Variants in SVIL observed in about 807,000 individuals in gnomAD.
SVIL encodes the protein archvillin.
Under a neutral mutation model 240.4 loss-of-function variants are expected in SVIL, and 101 were observed. The ratio of observed to expected loss-of-function variants is 0.42; its 90% CI spans 0.36 to 0.50. SVIL has a LOEUF of 0.50. Among genes scored for constraint, SVIL ranks in the 20% least tolerant of loss-of-function variants. The pLI is 0.01. For synonymous variants in SVIL, 999 were observed against 1,100.0 expected (o/e 0.91, Z 1.82); for missense variants, 2,512 against 2,818.7 (o/e 0.89, Z 2.46).
intron 1 of SVIL, among the ~76,000 whole-genome samples, chr10:29,694,217 G>GACACT (rs1318668842): frequency 7.4e-6 from 1 of 134,428 alleles, no homozygotes; most frequent in Non-Finnish European, 1.5e-5. Context: ...AACAGAGCAA[G>GACACT]ACACTGTGTC....
intron 1 of SVIL, among the ~76,000 whole-genome samples, chr10:29,628,019 T>G (rs1382206241): frequency 6.6e-6 from 1 of 152,206 alleles, no homozygotes; most frequent in Non-Finnish European, 1.5e-5. Flanking sequence ...ATTAGCTGGT[T>G]TAGATGTCTG....
chr10:29,650,937 G>C (rs558575977), intron 3 of SVIL, among the ~76,000 whole-genome samples: 3 of 152,256 alleles, frequency 2.0e-5, no homozygotes, highest in East Asian at 3.9e-4. Flanking sequence ...CAAAACAAGA[G>C]CATGGAATGT....
chr10:29,464,756 A>ATCAG (rs1022207020), intron 34 of SVIL, among the ~76,000 whole-genome samples: 4 of 151,726 alleles, frequency 2.6e-5, no homozygotes, highest in Admixed American at 1.3e-4. Context: ...TGCTGCCCTG[A>ATCAG]GATCCCGGTG....
chr10:29,510,255 G>A (rs1406771271), intron 17 of SVIL, among the ~76,000 whole-genome samples: 1 of 152,122 alleles, frequency 6.6e-6, no homozygotes, highest in African/African-American at 2.4e-5. Flanking sequence ...CCTCAAATAT[G>A]TTTTCTTTTG....
At chr10:29,492,353 G>A (rs1948042331) in intron 21 of SVIL, among the ~76,000 whole-genome samples, 2 of 152,100 alleles carry the variant, frequency 1.3e-5, no homozygotes, top group Non-Finnish European at 2.9e-5. Context: ...TGTGACTCCA[G>A]AGCTGGGGTG....
At chr10:29,506,749 G>C (rs544494540) in intron 17 of SVIL, among the ~76,000 whole-genome samples, 10 of 144,814 alleles carry the variant, frequency 6.9e-5, no homozygotes, top group Non-Finnish European at 1.4e-4. Flanking sequence ...AGAGGCCCTA[G>C]AGGGAGGGGA....
At chr10:29,612,676 T>C (rs550870332) in intron 1 of SVIL, among the ~76,000 whole-genome samples, 2 of 152,278 alleles carry the variant, frequency 1.3e-5, no homozygotes, top group East Asian at 3.9e-4. Context: ...TTCTAAGAGA[T>C]TTATGTTATG....
rs1435390759 is a variant in SVIL, at chr10:29,688,667, T to G, written c.-399-2016A>C. Among the ~76,000 whole-genome samples, 10 of 152,144 alleles carry G rather than the reference T, an allele frequency of 6.6e-5. No homozygotes were observed. In the East Asian group the frequency reaches 1.5e-3, roughly 23 times the overall value. On this transcript the variant is annotated intron_variant, in intron 1 of 35. Transcript: ENST00000375400. ...GTGAGGAGCTCTTTTTAAAAAATTA[T>G]CTATCTACAAAAATGTCTAGGGTAA...
chr10:29,581,492 G>A (rs968914836), intron 1 of SVIL, among the ~76,000 whole-genome samples: 19 of 152,224 alleles, frequency 1.2e-4, no homozygotes, highest in African/African-American at 4.6e-4. Flanking sequence ...CATAGGTGGA[G>A]ATGAAAAGGC....
intron 6 of SVIL, among the ~76,000 whole-genome samples, chr10:29,542,999 GATA>G (rs1194383128): frequency 1.3e-5 from 2 of 152,186 alleles, no homozygotes; most frequent in African/African-American, 2.4e-5. Context: ...CTCACGATAT[GATA>G]ATGAGAGCAG....
chr10:29,555,215 C>T (rs531691237), intron 3 of SVIL, 107 bp from the exon 4 acceptor site: 1 of 1,132,880 alleles, frequency 8.8e-7, no homozygotes, highest in East Asian at 2.6e-5. Flanking sequence ...GTTCTTGATT[C>T]CTATGTCACA....
chr10:29,492,071 G>A (rs1028258181), intron 21 of SVIL, among the ~76,000 whole-genome samples: 1 of 152,126 alleles, frequency 6.6e-6, no homozygotes, highest in African/African-American at 2.4e-5. Flanking sequence ...TGCCGTGGGT[G>A]GAGCCTGTCT....
intron 7 of SVIL, 99 bp from the exon 8 acceptor site, chr10:29,533,557 C>G (rs1466585486): frequency 6.8e-7 from 1 of 1,461,528 alleles, no homozygotes; most frequent in South Asian, 1.4e-5. Flanking sequence ...TGGAAACTGA[C>G]CTGAGAGAGA....
chr10:29,578,109 C>A (rs1017304329), intron 1 of SVIL, among the ~76,000 whole-genome samples: 5 of 152,110 alleles, frequency 3.3e-5, no homozygotes, highest in Non-Finnish European at 7.4e-5. Context: ...GGTTGAAACT[C>A]CATTACTGAT....
At chr10:29,552,838 T>G (rs1181256300) in intron 5 of SVIL, among the ~76,000 whole-genome samples, 4 of 152,194 alleles carry the variant, frequency 2.6e-5, no homozygotes, top group African/African-American at 9.7e-5. Context: ...TTTTTCATTA[T>G]GATTTTATTA....
rs1056404809 is a variant in SVIL at position 29,458,030 on chromosome 10, A to AC, written c.*216dup. The AC allele has an allele frequency of 2.0e-6, 1 of 497,398 alleles. No homozygotes were observed. The highest frequency in any genetic ancestry group is 3.5e-6 in the Non-Finnish European group (1 of 284,290). The allele number at this position is 497,398 out of a possible 1,614,324, so 30.8% of individuals were successfully genotyped here. On this transcript the variant is annotated 3_prime_UTR_variant, in exon 38 of 38. Coordinates refer to ENST00000355867, the MANE Select transcript of SVIL (RefSeq NM_021738.3). ...ACAGATACTTTTATTAATTCTGATA[A>AC]CCTCCTGAATGGTGGAAAGAAGTTT...
intron 1 of SVIL, among the ~76,000 whole-genome samples, chr10:29,730,015 T>C (rs1391970722): frequency 6.7e-6 from 1 of 149,328 alleles, no homozygotes; most frequent in Non-Finnish European, 1.5e-5. Context: ...CATTTCTCTA[T>C]AATTTTTTTT....
In SVIL at chr10:29,512,721, A is replaced by G. The variant is rs1028307595; in HGVS notation, c.3516+14T>C. 1 of 1,614,036 alleles carries G rather than the reference A, an allele frequency of 6.2e-7. No homozygotes were observed. Among genetic ancestry groups the G allele is most frequent in the Non-Finnish European group, 8.5e-7 (1 of 1,180,036 alleles). On this transcript the variant is annotated intron_variant, in intron 17 of 37. Coordinates refer to ENST00000355867, the MANE Select transcript of SVIL (RefSeq NM_021738.3). ...TGTTAGTCGGAAGGCTTTTCCTAAC[A>G]TGGGGAATGTTACCTTCTTGATGAG...
At chr10:29,724,350 CT>C (rs1964161696) in intron 1 of SVIL, among the ~76,000 whole-genome samples, 1 of 140,162 alleles carries the variant, frequency 7.1e-6, no homozygotes, top group Non-Finnish European at 1.5e-5. Context: ...GCTTTTCATT[CT>C]TTTTTTATGA....
Sources: allele counts gnomAD v4.1 joint callset (sites outside exome capture counted in the v4.1 genomes callset), GRCh38; gene constraint gnomAD v4.1.1; transcripts MANE v1.5; gene names NCBI Gene and HGNC (gene_info 2026-07-23, HGNC 2026-07-21).